The following CSMD1 variants were observed in gnomAD, a reference collection of about 807,000 sequenced individuals.
CSMD1 encodes CUB and sushi domain-containing protein 1.
Under a neutral mutation model 417.5 loss-of-function variants are expected in CSMD1, and 213 were observed. That is an observed-to-expected ratio of 0.51 (90% CI 0.46 to 0.57). The LOEUF (loss-of-function observed/expected upper bound fraction) is 0.57. CSMD1 is among the 20% of genes least tolerant of loss of function. CSMD1 has a pLI of 0.00. For missense variants in CSMD1, 6,923 were observed against 4,529.7 expected (o/e 1.53, Z -15.17); for synonymous variants, 2,862 against 1,736.8 (o/e 1.65, Z -16.11).
chr8:3,183,848 A>C (rs1162095298), intron 36 of CSMD1, among the ~76,000 whole-genome samples: 1 of 152,192 alleles, frequency 6.6e-6, no homozygotes, highest in Non-Finnish European at 1.5e-5. Flanking sequence ...CTTAATTCAT[A>C]TTATTTTCAC....
chr8:4,946,106 C>T (rs1157633290), intron 1 of CSMD1, among the ~76,000 whole-genome samples: 2 of 152,104 alleles, frequency 1.3e-5, no homozygotes, highest in Non-Finnish European at 2.9e-5. Context: ...GCTGTCTCTA[C>T]GTGGCTCTGA....
intron 28 of CSMD1, 49 bp from the exon 29 acceptor site, chr8:3,219,491 C>T (rs749772873): frequency 6.2e-5 from 80 of 1,287,646 alleles, no homozygotes; most frequent in Non-Finnish European, 7.2e-5. Flanking sequence ...GATATTTTAT[C>T]TCCCAGAGTG....
At chr8:3,402,375 C>G (rs1812087842) in intron 15 of CSMD1, among the ~76,000 whole-genome samples, 1 of 152,062 alleles carries the variant, frequency 6.6e-6, no homozygotes, top group African/African-American at 2.4e-5. Context: ...AGACTTTAAG[C>G]TTTGCTGCCA....
chr8:3,428,430 T>C (rs921629837), intron 12 of CSMD1, among the ~76,000 whole-genome samples: 2 of 152,210 alleles, frequency 1.3e-5, no homozygotes, highest in Non-Finnish European at 1.5e-5. Flanking sequence ...GAAACGAAAC[T>C]GTCAAGAATA....
chr8:4,108,793 G>C (rs1344779709), intron 3 of CSMD1, among the ~76,000 whole-genome samples: 2 of 152,174 alleles, frequency 1.3e-5, no homozygotes, highest in Non-Finnish European at 2.9e-5. Context: ...TGATTCTAAA[G>C]CACAAGCTCC....
intron 5 of CSMD1, among the ~76,000 whole-genome samples, chr8:3,853,084 C>T (rs1472054443): frequency 6.6e-6 from 1 of 152,148 alleles, no homozygotes; most frequent in Non-Finnish European, 1.5e-5. Flanking sequence ...CCAATGCCTG[C>T]CACCCTGACC....
In CSMD1 at chr8:3,635,744, A is replaced by C. The variant is rs1036305037; in HGVS notation, c.1010-18947T>G. On this transcript the variant is annotated intron_variant, in intron 7 of 69. Coordinates refer to ENST00000635120, the MANE Select transcript of CSMD1 (RefSeq NM_033225.6). ...GTGATCTGCCCGCCTCGGCCTCCCGAAGTGCTGGGATTACAGGTATGAACC... is the reference window on the plus strand; with the variant it reads ...GTGATCTGCCCGCCTCGGCCTCCCGCAGTGCTGGGATTACAGGTATGAACC... 2.0e-5 allele frequency among the ~76,000 whole-genome samples: 3 copies of C among 146,438 alleles called. No homozygotes were observed. In the South Asian group the frequency reaches 6.4e-4, roughly 31 times the overall value.
At chr8:4,860,539 C>T (rs1431231151) in intron 1 of CSMD1, among the ~76,000 whole-genome samples, 4 of 152,046 alleles carry the variant, frequency 2.6e-5, no homozygotes, top group African/African-American at 9.7e-5. Context: ...GGAACTTGAG[C>T]AGATGCTCGT....
At chr8:3,908,556 C>T (rs752336186) in intron 5 of CSMD1, among the ~76,000 whole-genome samples, 1 of 152,136 alleles carries the variant, frequency 6.6e-6, no homozygotes, top group African/African-American at 2.4e-5. Flanking sequence ...ACTTTTGTAG[C>T]TATGGAGCTC....
At chr8:4,093,862 A>T (rs954909895) in intron 3 of CSMD1, among the ~76,000 whole-genome samples, 1 of 152,136 alleles carries the variant, frequency 6.6e-6, no homozygotes, top group Non-Finnish European at 1.5e-5. Flanking sequence ...CGGGAGGCTG[A>T]GGCAGGAGAA....
At chr8:3,842,267 C>T (rs762042287) in intron 5 of CSMD1, among the ~76,000 whole-genome samples, 3 of 152,038 alleles carry the variant, frequency 2.0e-5, no homozygotes, top group Admixed American at 6.6e-5. Context: ...AAACTAATTC[C>T]CAATCTTCTT....
chr8:4,123,534 G>A (rs565359049), intron 3 of CSMD1, among the ~76,000 whole-genome samples: 1 of 152,240 alleles, frequency 6.6e-6, no homozygotes, highest in East Asian at 1.9e-4. Flanking sequence ...GATTAACATT[G>A]AAAATGTGAA....
intron 36 of CSMD1, among the ~76,000 whole-genome samples, chr8:3,183,972 G>C (rs1821593995): frequency 6.6e-6 from 1 of 152,114 alleles, no homozygotes; most frequent in East Asian, 1.9e-4. Flanking sequence ...CCATTCAGCA[G>C]TCAGAAAACA....
At chr8:4,610,735 A>G (rs1801123817) in intron 2 of CSMD1, among the ~76,000 whole-genome samples, 1 of 152,204 alleles carries the variant, frequency 6.6e-6, no homozygotes, top group Admixed American at 6.5e-5. Context: ...ATGGTTCTTC[A>G]TGACTACACT....
chr8:4,165,443 G>C (rs889871199), intron 3 of CSMD1, among the ~76,000 whole-genome samples: 1 of 152,230 alleles, frequency 6.6e-6, no homozygotes. Flanking sequence ...GTCATGCTAT[G>C]TCGCCCAGGC....
Position 4,528,733 on chromosome 8 carries a change from G to C in CSMD1, c.302+108609C>G, listed in dbSNP as rs1796645937. Among the ~76,000 whole-genome samples the C allele has an allele frequency of 2.0e-5, 3 of 152,146 alleles. No homozygotes were observed. The South Asian group carries it at 6.2e-4, about 32-fold the overall frequency. Reference sequence around the variant, plus strand: ...ACAGCTTTTTGTAGGTCAAAAAAATGTTTAAGTAAGATGAGAATGCTGCTG... The same window carrying C: ...ACAGCTTTTTGTAGGTCAAAAAAATCTTTAAGTAAGATGAGAATGCTGCTG... On this transcript the variant is annotated intron_variant, in intron 2 of 69. Transcript: ENST00000635120.
intron 2 of CSMD1, among the ~76,000 whole-genome samples, chr8:4,483,275 G>C (rs1031877399): frequency 2.6e-5 from 4 of 152,172 alleles, no homozygotes; most frequent in African/African-American, 9.7e-5. Context: ...GGAACTGTGA[G>C]TCCAATAAAC....
At chr8:3,039,834 G>A (rs1810970768) in intron 50 of CSMD1, among the ~76,000 whole-genome samples, 1 of 152,162 alleles carries the variant, frequency 6.6e-6, no homozygotes, top group Non-Finnish European at 1.5e-5. Context: ...GTTTAGCACT[G>A]ATACATGCTT....
chr8:3,283,295 C>G (rs1225801218), intron 26 of CSMD1, among the ~76,000 whole-genome samples: 1 of 152,072 alleles, frequency 6.6e-6, no homozygotes, highest in Admixed American at 6.6e-5. Context: ...AAGAAAGTGT[C>G]AGACTGGGGC....
Sources: allele counts gnomAD v4.1 joint callset (sites outside exome capture counted in the v4.1 genomes callset), GRCh38; gene constraint gnomAD v4.1.1; transcripts MANE v1.5; gene names NCBI Gene and HGNC (gene_info 2026-07-23, HGNC 2026-07-21).